ZCWPW2: variants seen among roughly 807,000 people sequenced by gnomAD.
ZCWPW2 encodes zinc finger CW-type PWWP domain protein 2.
In ZCWPW2, 45 loss-of-function variants were observed where a neutral mutation model predicts 46.6. The observed-to-expected ratio is 0.96, with a 90% CI of 0.76 to 1.24. The LOEUF (loss-of-function observed/expected upper bound fraction) is 1.24. Among genes scored for constraint, ZCWPW2 ranks in the 50% most tolerant of loss-of-function variants. The probability of loss-of-function intolerance (pLI) is 0.00; values close to 1 mark genes in which losing one functional copy is unlikely to be tolerated. For synonymous variants in ZCWPW2, 152 were observed against 137.1 expected (o/e 1.11, Z -0.76); for missense variants, 429 against 403.9 (o/e 1.06, Z -0.53).
intron 1 of ZCWPW2, among the ~76,000 whole-genome samples, chr3:28,368,742 C>G (rs1477597508): frequency 6.6e-6 from 1 of 152,194 alleles, no homozygotes; most frequent in African/African-American, 2.4e-5. Context: ...TGGATAATAT[C>G]CCGCAGAGTG....
rs1553640372 is a variant in ZCWPW2 at position 28,474,620 on chromosome 3, TGCGCGCGC to T, written c.493-4183_493-4176del. 1.1e-3 allele frequency among the ~76,000 whole-genome samples: 134 copies of T among 121,696 alleles called. 1 individual carries two copies. Among genetic ancestry groups the T allele is most frequent in the African/African-American group, 3.5e-3 (122 of 35,180 alleles). The allele number at this position is 121,696 out of a possible 152,430, so 79.8% of individuals were successfully genotyped here. A position where few individuals can be genotyped will look rare whatever the true frequency, so the allele number is the denominator to read the frequency against. On this transcript the variant is annotated intron_variant, in intron 4 of 9. Transcript: ENST00000383768. ...GTGTGTGTGTGTGTGTGTGTGTGTG[TGCGCGCGC>T]GCGCGCGCGCACATGCGCATTTGTG...
In ZCWPW2 at chr3:28,456,552, A is replaced by G. The variant is rs62402969; in HGVS notation, c.492+21283A>G. Among the ~76,000 whole-genome samples the G allele has an allele frequency of 2.8e-3, 426 of 152,262 alleles. 1 individual carries two copies. The highest frequency in any genetic ancestry group is 4.8e-3 in the Non-Finnish European group (328 of 68,002). The stretch of plus-strand genomic sequence containing the variant: ...AGAGAGGCAATCCTTATCTTGTTCC[A>G]GTTTTCAAGGGAATGCTTCCAGCTT... On this transcript the variant is annotated intron_variant, in intron 4 of 9. Transcript: ENST00000383768.
At chr3:28,435,043 T>G (rs1422170512) in intron 3 of ZCWPW2, 67 bp from the exon 4 acceptor site, 1 of 1,546,018 alleles carries the variant, frequency 6.5e-7, no homozygotes, top group Non-Finnish European at 8.8e-7. Context: ...AATATGCGAT[T>G]GATAGACGTG....
rs1374193307 is a variant in ZCWPW2 at position 28,477,233 on chromosome 3, T to TA, written c.493-1581_493-1580insA. Reference sequence around the variant, plus strand: ...TTTAAAATTTCCAATATTTAGTGAATTGTATCTGCCTCTTTTCATCTGTTT... The same window carrying TA: ...TTTAAAATTTCCAATATTTAGTGAATATGTATCTGCCTCTTTTCATCTGTTT... On this transcript the variant is annotated intron_variant, in intron 4 of 9. Coordinates refer to ENST00000383768, the MANE Select transcript of ZCWPW2 (RefSeq NM_001040432.4). 1.3e-3 allele frequency among the ~76,000 whole-genome samples: 193 copies of TA among 152,348 alleles called. 1 individual carries two copies. The highest frequency in any genetic ancestry group is 2.2e-3 in the Non-Finnish European group (149 of 68,028).
chr3:28,513,315 C>T (rs144081325), intron 6 of ZCWPW2, among the ~76,000 whole-genome samples: 172 of 152,204 alleles, frequency 1.1e-3, no homozygotes, highest in Non-Finnish European at 1.3e-3. Flanking sequence ...GCTAAGTCTT[C>T]GTGTTAATTA....
At chr3:28,477,378 T>C (rs922667031) in intron 4 of ZCWPW2, among the ~76,000 whole-genome samples, 1 of 152,192 alleles carries the variant, frequency 6.6e-6, no homozygotes, top group Non-Finnish European at 1.5e-5. Context: ...CAGGACCAAA[T>C]GCAATTTATC....
chr3:28,492,755 C>G (rs1375565174), intron 6 of ZCWPW2, among the ~76,000 whole-genome samples: 1 of 152,082 alleles, frequency 6.6e-6, no homozygotes. Flanking sequence ...TTGACATTCT[C>G]CTCAAGAGAT....
At chr3:28,373,447 T>C (rs1039398880) in intron 1 of ZCWPW2, among the ~76,000 whole-genome samples, 2 of 151,880 alleles carry the variant, frequency 1.3e-5, no homozygotes, top group African/African-American at 4.8e-5. Context: ...TGGCCATTTG[T>C]ATGTTGTTTT....
At chr3:28,402,273 TATC>T (rs541252041) in intron 2 of ZCWPW2, among the ~76,000 whole-genome samples, 1 of 152,004 alleles carries the variant, frequency 6.6e-6, no homozygotes, top group Non-Finnish European at 1.5e-5. Flanking sequence ...AAATACAAAA[TATC>T]ATTCAAGGCT....
intron 1 of ZCWPW2, among the ~76,000 whole-genome samples, chr3:28,368,663 C>G (rs1217572464): frequency 6.6e-6 from 1 of 152,100 alleles, no homozygotes; most frequent in Non-Finnish European, 1.5e-5. Context: ...CAAGGAGTAT[C>G]TTTGTGGCAT....
intron 3 of ZCWPW2, among the ~76,000 whole-genome samples, chr3:28,431,822 T>C (rs555414214): frequency 5.9e-5 from 9 of 152,298 alleles, no homozygotes; most frequent in African/African-American, 2.2e-4. Flanking sequence ...AATAAAGACA[T>C]ACTTGAGACT....
intron 2 of ZCWPW2, among the ~76,000 whole-genome samples, chr3:28,410,319 AAATT>A (rs1474815215): frequency 6.6e-6 from 1 of 152,066 alleles, no homozygotes; most frequent in African/African-American, 2.4e-5. Flanking sequence ...TGGATAGAGA[AAATT>A]AACCCCACAA....
chr3:28,364,320 CT>C (rs71087693), intron 1 of ZCWPW2, among the ~76,000 whole-genome samples: 33,402 of 148,870 alleles, frequency 0.22, 4,213 homozygotes, highest in Middle Eastern at 0.3. Context: ...TAAAAACATT[CT>C]TTTTTTTTTT....
intron 2 of ZCWPW2, among the ~76,000 whole-genome samples, chr3:28,410,494 A>G (rs189076869): frequency 1.3e-5 from 2 of 152,142 alleles, no homozygotes; most frequent in African/African-American, 4.8e-5. Flanking sequence ...TGCCAAAAAA[A>G]TCAATATCAC....
chr3:28,371,691 A>G (rs2125702443), intron 1 of ZCWPW2, among the ~76,000 whole-genome samples: 2 of 152,186 alleles, frequency 1.3e-5, no homozygotes, highest in East Asian at 3.9e-4. Context: ...TAATAAATAA[A>G]TGATTGATCA....
At chr3:28,508,140 G>A (rs1185399355) in intron 6 of ZCWPW2, among the ~76,000 whole-genome samples, 8 of 152,012 alleles carry the variant, frequency 5.3e-5, no homozygotes, top group African/African-American at 9.7e-5. Flanking sequence ...ACAACCAACC[G>A]TAGTGAGAAT....
At chr3:28,386,464 T>C (rs145489369) in intron 1 of ZCWPW2, among the ~76,000 whole-genome samples, 5 of 152,304 alleles carry the variant, frequency 3.3e-5, no homozygotes, top group African/African-American at 1.2e-4. Context: ...AATAGATTCA[T>C]TGTGTTTGTT....
chr3:28,359,729 A>G (rs1228855189), intron 1 of ZCWPW2, among the ~76,000 whole-genome samples: 1 of 152,170 alleles, frequency 6.6e-6, no homozygotes, highest in East Asian at 1.9e-4. Context: ...TATAAAATGT[A>G]GCATTAGGCA....
intron 4 of ZCWPW2, among the ~76,000 whole-genome samples, chr3:28,447,542 C>A (rs1272347166): frequency 6.6e-6 from 1 of 151,628 alleles, no homozygotes; most frequent in African/African-American, 2.4e-5. Context: ...AAACTCATGG[C>A]AAACATTATA....
Sources: gnomAD v4.1 joint callset for allele counts (sites outside exome capture counted in the v4.1 genomes callset) on GRCh38, gnomAD v4.1.1 for gene constraint, MANE v1.5 for transcripts, NCBI Gene and HGNC (gene_info 2026-07-23, HGNC 2026-07-21) for gene names.